Variants in FGL1 observed in about 807,000 individuals in gnomAD.
FGL1 encodes the protein fibrinogen-like protein 1.
FGL1 carries 59 observed loss-of-function variants against 43.7 expected under a neutral mutation model. The ratio of observed to expected loss-of-function variants is 1.35; its 90% CI spans 1.10 to 1.68. The LOEUF (loss-of-function observed/expected upper bound fraction) is 1.68, where lower values mean the gene tolerates loss of function less well. Ranked by LOEUF, FGL1 falls within the 40% of genes most tolerant of loss-of-function variation. The pLI, the probability that FGL1 is intolerant of heterozygous loss-of-function variation, is 0.00. For missense variants in FGL1, 596 were observed against 373.0 expected (o/e 1.60, Z -4.92); for synonymous variants, 192 against 126.5 (o/e 1.52, Z -3.48).
chr8:17,891,564 A>C, intron 1 of FGL1: 1 of 427,534 alleles, frequency 2.3e-6, no homozygotes, highest in Non-Finnish European at 3.1e-6. Context: ...TTTGCAAATG[A>C]GATCACATTC....
At chr8:17,879,861 C>G (rs577313195) in intron 3 of FGL1, among the ~76,000 whole-genome samples, 2 of 152,190 alleles carry the variant, frequency 1.3e-5, no homozygotes, top group South Asian at 4.2e-4. Context: ...GATTAGCTGC[C>G]CCCTGCCATG....
chr8:17,895,203 C>G (rs1213917064), intron 1 of FGL1: 1 of 811,218 alleles, frequency 1.2e-6, no homozygotes, highest in Admixed American at 6.1e-5. Flanking sequence ...TTCCATTTTC[C>G]TCATTTGTAA....
At chr8:17,893,581 G>C (rs2053736513) in intron 1 of FGL1, among the ~76,000 whole-genome samples, 1 of 148,122 alleles carries the variant, frequency 6.8e-6, no homozygotes, top group South Asian at 2.1e-4. Context: ...TAATCAAAAA[G>C]GCACCCCCTA....
intron 2 of FGL1, among the ~76,000 whole-genome samples, chr8:17,883,716 A>G (rs2174002): frequency 0.075 from 10,950 of 145,106 alleles, 858 homozygotes; most frequent in African/African-American, 0.2. Context: ...TATGTAGTAC[A>G]TCTCCCCTCC....
intron 2 of FGL1, among the ~76,000 whole-genome samples, chr8:17,885,183 G>C (rs553106891): frequency 3.3e-5 from 5 of 152,064 alleles, no homozygotes; most frequent in Admixed American, 6.5e-5. Flanking sequence ...TAGGACTACA[G>C]ATGCGTGCCA....
At chr8:17,889,994 C>T (rs891751059) in intron 1 of FGL1, among the ~76,000 whole-genome samples, 1 of 152,180 alleles carries the variant, frequency 6.6e-6, no homozygotes, top group Non-Finnish European at 1.5e-5. Context: ...ATCAATGCTG[C>T]CTCCCATGTT....
intron 1 of FGL1, among the ~76,000 whole-genome samples, chr8:17,892,395 C>A (rs1434287618): frequency 6.6e-6 from 1 of 151,820 alleles, no homozygotes; most frequent in Non-Finnish European, 1.5e-5. Flanking sequence ...TTCCCCGAGA[C>A]TAGAACATGC....
intron 3 of FGL1, among the ~76,000 whole-genome samples, chr8:17,878,350 G>T (rs1040151712): frequency 1.3e-4 from 20 of 152,146 alleles, no homozygotes; most frequent in African/African-American, 4.3e-4. Flanking sequence ...ACACACAGAG[G>T]TTATGTAATG....
rs754199988 is a variant in FGL1, at chr8:17,868,750, C to T, written c.592-15G>A. On this transcript the variant is annotated splice_polypyrimidine_tract_variant and intron_variant, in intron 6 of 7. Transcript: ENST00000427924. ...TCGTAGAAATTCTAAAGAAAAAGGG[C>T]ATTTCTGCTGTCAGTGGAGTTCCTC... The T allele has an allele frequency of 1.2e-6, 2 of 1,602,720 alleles. No homozygotes were observed. Among genetic ancestry groups the T allele is most frequent in the Admixed American group, 1.7e-5 (1 of 58,108 alleles).
chr8:17,889,357 C>T (rs2053674518), intron 1 of FGL1, among the ~76,000 whole-genome samples: 1 of 152,128 alleles, frequency 6.6e-6, no homozygotes, highest in Non-Finnish European at 1.5e-5. Flanking sequence ...CAAGACCAGC[C>T]TGGCCAACAT....
At chr8:17,883,682 A>G (rs1346379566) in intron 2 of FGL1, among the ~76,000 whole-genome samples, 1 of 145,972 alleles carries the variant, frequency 6.9e-6, no homozygotes, top group Non-Finnish European at 1.5e-5. Flanking sequence ...TCTATAATAT[A>G]TATATATTTT....
chr8:17,871,058 C>G (rs181659291), intron 5 of FGL1, among the ~76,000 whole-genome samples: 20 of 152,112 alleles, frequency 1.3e-4, no homozygotes, highest in East Asian at 9.7e-4. Flanking sequence ...AGAGGTGATG[C>G]GGGCCTCTCT....
chr8:17,889,512 T>C (rs887757330), intron 1 of FGL1, among the ~76,000 whole-genome samples: 1 of 152,090 alleles, frequency 6.6e-6, no homozygotes. Context: ...ATTGTCTCAC[T>C]GTAGTTAAGC....
chr8:17,869,087 C>G (rs1164734743), intron 5 of FGL1, 83 bp from the exon 6 acceptor site: 6 of 812,686 alleles, frequency 7.4e-6, no homozygotes, highest in Non-Finnish European at 1.2e-5. Context: ...ATTCACAGCT[C>G]TATTTTAATT....
intron 3 of FGL1, among the ~76,000 whole-genome samples, chr8:17,875,533 T>TCTCTCTC (rs2053436900): frequency 3.4e-4 from 4 of 11,846 alleles, no homozygotes; most frequent in Admixed American, 7.1e-4. Flanking sequence ...CTTTCTTTCT[T>TCTCTCTC]TCTCTTTCTT....
intron 1 of FGL1, among the ~76,000 whole-genome samples, chr8:17,890,661 G>C (rs563113187): frequency 1.3e-5 from 2 of 152,244 alleles, no homozygotes; most frequent in South Asian, 4.1e-4. Flanking sequence ...ATCTGCCTGA[G>C]ACTGGGTAAT....
chr8:17,868,876 G>A (rs370213414), intron 6 of FGL1, 40 bp downstream of exon 6: 84 of 1,495,960 alleles, frequency 5.6e-5, no homozygotes, highest in Non-Finnish European at 5.7e-5. Flanking sequence ...CACATTTTAA[G>A]CATTTATTCA....
intron 7 of FGL1, 127 bp from the exon 8 acceptor site, chr8:17,864,878 T>C: frequency 4.0e-6 from 3 of 747,976 alleles, no homozygotes; most frequent in South Asian, 1.1e-4. Flanking sequence ...TTCAGACAAG[T>C]AAATATTTAC....
chr8:17,870,680 G>T (rs544699248), intron 5 of FGL1, among the ~76,000 whole-genome samples: 1 of 152,208 alleles, frequency 6.6e-6, no homozygotes, highest in Non-Finnish European at 1.5e-5. Context: ...ACCCAAGTTG[G>T]GTGGATTACA....
Sources: gnomAD v4.1 joint callset for allele counts (sites outside exome capture counted in the v4.1 genomes callset) on GRCh38, gnomAD v4.1.1 for gene constraint, MANE v1.5 for transcripts, NCBI Gene and HGNC (gene_info 2026-07-23, HGNC 2026-07-21) for gene names.